Variants in TTC6 observed in about 807,000 individuals in gnomAD.
TTC6 encodes tetratricopeptide repeat domain 6.
A neutral mutation model predicts 210.4 loss-of-function variants in TTC6; 172 were observed. That is an observed-to-expected ratio of 0.82 (90% CI 0.72 to 0.93). TTC6 has a LOEUF of 0.93. Ranked by LOEUF, TTC6 falls within the 40% of genes least tolerant of loss-of-function variation. The pLI, the probability that TTC6 is intolerant of heterozygous loss-of-function variation, is 0.00. For synonymous variants in TTC6, 804 were observed against 819.6 expected (o/e 0.98, Z 0.32); for missense variants, 2,414 against 2,318.1 (o/e 1.04, Z -0.85).
intron 10 of TTC6, among the ~76,000 whole-genome samples, chr14:37,741,634 A>T (rs2095920148): frequency 6.6e-6 from 1 of 152,076 alleles, no homozygotes. Context: ...TGTGCTTCTT[A>T]CCATTTTATG....
At chr14:37,824,475 A>C (rs1221287205) in intron 27 of TTC6, among the ~76,000 whole-genome samples, 2 of 152,180 alleles carry the variant, frequency 1.3e-5, no homozygotes, top group Non-Finnish European at 2.9e-5. Flanking sequence ...ATGTGTTAAG[A>C]TCATCATCAT....
intron 7 of TTC6, among the ~76,000 whole-genome samples, chr14:37,732,896 G>C (rs966024887): frequency 2.6e-5 from 4 of 152,110 alleles, no homozygotes; most frequent in East Asian, 3.9e-4. Context: ...TGAGCCACCG[G>C]GCCTGGCCTG....
chr14:37,763,857 C>A (rs1478921877), intron 14 of TTC6, among the ~76,000 whole-genome samples: 2 of 151,128 alleles, frequency 1.3e-5, no homozygotes, highest in East Asian at 3.9e-4. Context: ...GTTTAGTTTT[C>A]TTTTATTTTT....
chr14:37,704,934 G>C (rs2095832467), intron 5 of TTC6, among the ~76,000 whole-genome samples: 1 of 151,918 alleles, frequency 6.6e-6, no homozygotes, highest in Admixed American at 6.6e-5. Flanking sequence ...TTTCCTTACT[G>C]ATTTGAAATG....
intron 23 of TTC6, among the ~76,000 whole-genome samples, chr14:37,808,429 C>G (rs909332068): frequency 6.6e-6 from 1 of 152,098 alleles, no homozygotes; most frequent in Non-Finnish European, 1.5e-5. Flanking sequence ...TTTATTTTAC[C>G]TAGAAGTATG....
chr14:37,714,648 A>G lies in TTC6; in HGVS notation c.1572-7A>G, dbSNP rs1339073481. On this transcript the variant is annotated splice_polypyrimidine_tract_variant and splice_region_variant and intron_variant, in intron 5 of 30. Coordinates refer to ENST00000553443, the Ensembl canonical transcript of TTC6. The stretch of plus-strand genomic sequence containing the variant: ...AAAGCAAACTTATTGTTCTTATCAC[A>G]TTGTAGAATATTGTATGGAATTCCT... 3.9e-5 allele frequency: 60 copies of G among 1,532,750 alleles called. No individual in the cohort carries two copies. Among genetic ancestry groups the G allele is most frequent in the Non-Finnish European group, 5.2e-5 (59 of 1,145,442 alleles). 94.9% of individuals were successfully genotyped at this position (1,532,750 alleles called of 1,614,324 possible).
chr14:37,816,346 A>G (rs1176353834), intron 25 of TTC6, among the ~76,000 whole-genome samples: 4 of 152,064 alleles, frequency 2.6e-5, no homozygotes, highest in Non-Finnish European at 5.9e-5. Context: ...TGACATAGCC[A>G]GGGAGGGTTT....
intron 26 of TTC6, among the ~76,000 whole-genome samples, chr14:37,819,901 G>A (rs1259589156): frequency 6.6e-6 from 1 of 152,198 alleles, no homozygotes; most frequent in Non-Finnish European, 1.5e-5. Flanking sequence ...AACGTCGTAA[G>A]TAGAATCATG....
intron 14 of TTC6, among the ~76,000 whole-genome samples, chr14:37,771,657 G>C (rs1395940615): frequency 6.6e-6 from 1 of 152,072 alleles, no homozygotes; most frequent in Non-Finnish European, 1.5e-5. Context: ...AGCTCCATCA[G>C]CTCCTTTAAG....
At chr14:37,807,982 G>GT (rs1422089713) in intron 23 of TTC6, among the ~76,000 whole-genome samples, 2 of 151,820 alleles carry the variant, frequency 1.3e-5, no homozygotes, top group Non-Finnish European at 2.9e-5. Context: ...CTTTTTGATT[G>GT]TTTTTAAAAT....
chr14:37,753,759 T>TG (rs889980856), intron 14 of TTC6, among the ~76,000 whole-genome samples: 4 of 146,698 alleles, frequency 2.7e-5, no homozygotes, highest in African/African-American at 4.9e-5. Flanking sequence ...TTTTTTTTTT[T>TG]TGTGGAAATG....
intron 4 of TTC6, 146 bp from the exon 7 acceptor site, chr14:37,701,186 T>A (rs1344249442): frequency 9.5e-6 from 5 of 529,010 alleles, no homozygotes; most frequent in Non-Finnish European, 1.5e-5. Context: ...ATTAAATTTG[T>A]TATATACCAT....
intron 26 of TTC6, 35 bp downstream of exon 28, chr14:37,817,686 G>A (rs1374877348): frequency 1.3e-6 from 2 of 1,590,790 alleles, no homozygotes; most frequent in Non-Finnish European, 1.7e-6. Context: ...GTGGAATCAA[G>A]CAGGACCATC....
intron 29 of TTC6, 113 bp downstream of exon 31, chr14:37,827,479 G>T: frequency 2.1e-6 from 2 of 937,134 alleles, no homozygotes; most frequent in South Asian, 4.4e-5. Context: ...TTGGCTATTA[G>T]CTCTTTTATT....
chr14:37,827,090 T>G, intron 28 of TTC6, 106 bp from the exon 31 acceptor site: 1 of 911,848 alleles, frequency 1.1e-6, no homozygotes, highest in Non-Finnish European at 1.6e-6. Context: ...CACTATAAAA[T>G]TACTCATTTC....
At chr14:37,811,118 AC>A (rs2096128604) in intron 24 of TTC6, among the ~76,000 whole-genome samples, 1 of 151,986 alleles carries the variant, frequency 6.6e-6, no homozygotes, top group Non-Finnish European at 1.5e-5. Context: ...TCCCATCCCT[AC>A]CCCTTACCCT....
At chr14:37,624,032 A>G (rs551620052) in intron 1 of TTC6, among the ~76,000 whole-genome samples, 36 of 152,332 alleles carry the variant, frequency 2.4e-4, no homozygotes, top group African/African-American at 8.7e-4. Context: ...ATATCTTATT[A>G]GTACACAGAA....
rs1394717136 is a variant in TTC6 at position 37,598,094 on chromosome 14, A to G, written c.-235+2086A>G. 6.6e-6 allele frequency among the ~76,000 whole-genome samples: 1 copy of G among 152,216 alleles called. No homozygotes were observed. Among genetic ancestry groups the G allele is most frequent in the Non-Finnish European group, 1.5e-5 (1 of 68,032 alleles). ...GTCTGGGAGTTGCTGGCCAGTCGGT[A>G]GCCAGGTCCAGCGGCTGCAGCCTGC... is the stretch of plus-strand genomic sequence containing the variant. On this transcript the variant is annotated intron_variant, in intron 1 of 2. Coordinates refer to the TTC6 transcript ENST00000556845. This position sits in a 1 kb window ranked among gnomAD's most constrained non-coding sequence, Gnocchi z 4.9.
chr14:37,836,953 C>T (rs1229296192), intron 29 of TTC6, among the ~76,000 whole-genome samples: 2 of 152,152 alleles, frequency 1.3e-5, no homozygotes, highest in African/African-American at 4.8e-5. Flanking sequence ...GTGCTACTTG[C>T]ATACATTATG....
Sources: gnomAD v4.1 joint callset for allele counts (sites outside exome capture counted in the v4.1 genomes callset) on GRCh38, gnomAD v4.1.1 for gene constraint, Gnocchi (gnomAD v3.1) non-coding constraint, MANE v1.5 for transcripts, NCBI Gene and HGNC (gene_info 2026-07-23, HGNC 2026-07-21) for gene names.